The following BIRC6 variants were observed in gnomAD, a reference collection of about 807,000 sequenced individuals.
The protein encoded by BIRC6 is dual E2 ubiquitin-conjugating enzyme/E3 ubiquitin-protein ligase BIRC6.
A neutral mutation model predicts 503.3 loss-of-function variants in BIRC6; 98 were observed. The observed-to-expected ratio is 0.19, with a 90% CI of 0.17 to 0.23. The LOEUF is 0.23. Ranked by LOEUF, BIRC6 falls within the 10% of genes least tolerant of loss-of-function variation. BIRC6 has a pLI of 1.00. For synonymous variants in BIRC6, 2,240 were observed against 2,078.7 expected, an observed-to-expected ratio of 1.08 and a Z score of -2.11; for missense variants, 5,360 against 5,806.0, an observed-to-expected ratio of 0.92 and a Z score of 2.50.
intron 8 of BIRC6, among the ~76,000 whole-genome samples, chr2:32,401,828 T>C (rs1381813117): frequency 6.6e-6 from 1 of 152,226 alleles, no homozygotes; most frequent in African/African-American, 2.4e-5. Flanking sequence ...TAAAATATGC[T>C]TAACTTTCTA....
At chr2:32,516,693 A>G (rs893029115) in intron 55 of BIRC6, among the ~76,000 whole-genome samples, 1 of 151,816 alleles carries the variant, frequency 6.6e-6, no homozygotes, top group Non-Finnish European at 1.5e-5. Context: ...ATAATTTATT[A>G]TTTATCATAA....
In BIRC6 at chr2:32,493,576, C is replaced by G; in HGVS notation, c.8377C>G (p.Leu2793Val). The G allele has an allele frequency of 6.2e-7, 1 of 1,610,862 alleles. No individual in the cohort carries two copies. Among genetic ancestry groups the G allele is most frequent in the Non-Finnish European group, 8.5e-7 (1 of 1,177,900 alleles). Residue 2793 changes from leucine to valine, a missense_variant, in exon 45 of 74, where the codon CTT becomes GTT. Physicochemically the swap from Leu to Val is conservative, Grantham distance 32. This residue lies in a region of BIRC6 where 2,299 missense variants were observed against 2,267.2 expected (regional missense o/e 1.01). Coordinates refer to ENST00000421745, the MANE Select transcript of BIRC6 (RefSeq NM_016252.4). ...PTATQAMQEF[L>V]TRLQVHLSST... ...AGCTACACAAGCTATGCAAGAATTT[C>G]TTACTCGATTACAAGTGCATCTTTC...
intron 61 of BIRC6, among the ~76,000 whole-genome samples, chr2:32,542,319 A>G (rs191515154): frequency 7.0e-4 from 106 of 152,248 alleles, no homozygotes; most frequent in African/African-American, 2.5e-3. Flanking sequence ...ACATGAGCCT[A>G]GAATGTTTTG....
chr2:32,385,135 T>A (rs996068202), intron 3 of BIRC6, among the ~76,000 whole-genome samples: 3 of 152,256 alleles, frequency 2.0e-5, no homozygotes, highest in Non-Finnish European at 4.4e-5. Context: ...ACTCTCCTTG[T>A]GATTGGGGCT....
intron 65 of BIRC6, among the ~76,000 whole-genome samples, chr2:32,561,595 G>C (rs951735294): frequency 6.6e-6 from 1 of 151,070 alleles, no homozygotes. Flanking sequence ...GAAATCGTTC[G>C]ATTTCATTTT....
chr2:32,525,361 C>T, intron 58 of BIRC6, 103 bp from the exon 59 acceptor site: 3 of 1,226,540 alleles, frequency 2.4e-6, no homozygotes, highest in Non-Finnish European at 3.5e-6. Flanking sequence ...TGTTTTCTGA[C>T]ATTAGCTAGG....
intron 73 of BIRC6, among the ~76,000 whole-genome samples, chr2:32,614,267 T>C (rs2063087410): frequency 6.6e-6 from 1 of 152,206 alleles, no homozygotes; most frequent in Non-Finnish European, 1.5e-5. Flanking sequence ...CTTTGTCTGT[T>C]TGTCCAGCTT....
At chr2:32,428,443 C>A (rs577857554) in intron 10 of BIRC6, among the ~76,000 whole-genome samples, 1 of 152,282 alleles carries the variant, frequency 6.6e-6, no homozygotes, top group Non-Finnish European at 1.5e-5. Context: ...TCAATCAAGT[C>A]CCATCTGGAG....
intron 13 of BIRC6, among the ~76,000 whole-genome samples, chr2:32,434,064 T>C (rs1441854476): frequency 6.6e-6 from 1 of 152,208 alleles, no homozygotes; most frequent in Non-Finnish European, 1.5e-5. Flanking sequence ...CTTTGTAAAT[T>C]AGTTTGACTT....
At chr2:32,530,925 T>A (rs1268823884) in intron 60 of BIRC6, among the ~76,000 whole-genome samples, 1 of 152,226 alleles carries the variant, frequency 6.6e-6, no homozygotes, top group Non-Finnish European at 1.5e-5. Context: ...TTGTCATTAA[T>A]TTTTCTTAAT....
At chr2:32,372,189 T>A (rs565752672) in intron 1 of BIRC6, among the ~76,000 whole-genome samples, 1 of 152,318 alleles carries the variant, frequency 6.6e-6, no homozygotes, top group African/African-American at 2.4e-5. Flanking sequence ...TGTGTACTTG[T>A]CATACAGGTA....
intron 16 of BIRC6, among the ~76,000 whole-genome samples, chr2:32,440,489 A>G (rs2045289990): frequency 6.6e-6 from 1 of 152,146 alleles, no homozygotes; most frequent in Admixed American, 6.5e-5. Context: ...GAAGTCAGGA[A>G]GGAGGTTTTG....
intron 1 of BIRC6, among the ~76,000 whole-genome samples, chr2:32,370,811 T>C (rs762532105): frequency 6.5e-4 from 99 of 152,298 alleles, no homozygotes; most frequent in Non-Finnish European, 1.2e-3. Context: ...TTGCATATAG[T>C]ACCTTTTAAT....
chr2:32,587,640 C>T (rs1197965247), intron 66 of BIRC6, among the ~76,000 whole-genome samples: 2 of 152,028 alleles, frequency 1.3e-5, no homozygotes, highest in Non-Finnish European at 2.9e-5. Context: ...ATGAGAATCG[C>T]TTGAACCTGG....
chr2:32,406,540 G>C lies in BIRC6; in HGVS notation c.1460G>C (p.Arg487Thr), dbSNP rs2041238133. ...LEDSDSEEHS[R>T]SDSVTGHTSQ... ...GATTCAGACAGTGAAGAGCATTCCA[G>C]ATCAGATTCTGTGACAGGTATGTAA... The change falls in exon 9 of 74, where the codon AGA becomes ACA. Residue 487 changes from arginine (R) to threonine (T), a missense_variant. Physicochemically the swap from Arg to Thr is moderately conservative, Grantham distance 71 (BLOSUM62 -1). Around this residue, in one of 16 missense-constraint regions of BIRC6, gnomAD observed 700 missense variants for 739.3 expected, o/e 0.95. Coordinates refer to ENST00000421745, the MANE Select transcript of BIRC6 (RefSeq NM_016252.4). 1 of 1,610,102 alleles carries C rather than the reference G, an allele frequency of 6.2e-7. No individual in the cohort carries two copies. Among genetic ancestry groups the C allele is most frequent in the African/African-American group, 1.3e-5 (1 of 74,804 alleles).
intron 1 of BIRC6, among the ~76,000 whole-genome samples, chr2:32,366,686 C>A (rs1330359406): frequency 6.6e-6 from 1 of 152,024 alleles, no homozygotes; most frequent in Non-Finnish European, 1.5e-5. Flanking sequence ...TGGCAAGATA[C>A]TTCTCTGAGA....
intron 61 of BIRC6, among the ~76,000 whole-genome samples, chr2:32,535,150 CAAAAAA>C (rs1158856665): frequency 0.019 from 135 of 7,254 alleles, no homozygotes; most frequent in African/African-American, 0.055. Flanking sequence ...CCCAAAAAAG[CAAAAAA>C]AAAAAAAAAA....
chr2:32,613,480 A>G (rs1407912472), intron 73 of BIRC6, among the ~76,000 whole-genome samples: 2 of 151,990 alleles, frequency 1.3e-5, no homozygotes, highest in African/African-American at 4.8e-5. Flanking sequence ...TCCTGGGTTC[A>G]AGCTATTCTC....
At chr2:32,381,570 G>C (rs2037662975) in intron 3 of BIRC6, among the ~76,000 whole-genome samples, 1 of 142,326 alleles carries the variant, frequency 7.0e-6, no homozygotes, top group Admixed American at 7.2e-5. Context: ...GTTCGAGACA[G>C]AGTCTCACTC....
Sources: gnomAD v4.1 joint callset for allele counts (sites outside exome capture counted in the v4.1 genomes callset) on GRCh38, gnomAD v4.1.1 for gene constraint, gnomAD v4.1.1 regional missense constraint, MANE v1.5 for transcripts, NCBI Gene and HGNC (gene_info 2026-07-23, HGNC 2026-07-21) for gene names.